The following ARFGEF2 variants were observed in gnomAD, a reference collection of about 807,000 sequenced individuals.
ARFGEF2 encodes the protein ARF guanine nucleotide exchange factor 2.
In ARFGEF2, 74 loss-of-function variants were observed where a neutral mutation model predicts 219.9. The observed-to-expected ratio is 0.34, with a 90% CI of 0.28 to 0.41. The LOEUF is 0.41. Among genes scored for constraint, ARFGEF2 ranks in the 10% least tolerant of loss-of-function variants. The probability of loss-of-function intolerance (pLI) is 1.00; values close to 1 mark genes in which losing one functional copy is unlikely to be tolerated. For missense variants in ARFGEF2, 1,743 were observed against 2,218.3 expected (o/e 0.79, Z 4.30); for synonymous variants, 733 against 799.2 (o/e 0.92, Z 1.40).
At chr20:48,974,705 T>C (rs2091250230) in intron 12 of ARFGEF2, 61 bp from the exon 13 acceptor site, 1 of 1,376,736 alleles carries the variant, frequency 7.3e-7, no homozygotes, top group Non-Finnish European at 1.0e-6. Context: ...GAAAGCCTCG[T>C]AGATGTCTGT....
rs1445858319 is a variant in ARFGEF2, at chr20:49,012,098, C to T, written c.3918+14C>T. 1 of 1,614,180 alleles carries T rather than the reference C, an allele frequency of 6.2e-7. No individual in the cohort carries two copies. Among genetic ancestry groups the T allele is most frequent in the Admixed American group, 1.7e-5 (1 of 60,026 alleles). The stretch of plus-strand genomic sequence containing the variant: ...GAGAGGCCTCGGGTTCGTTTTTCCC[C>T]ACCTTACTCAGATGGGCAGTGAAGG... On this transcript the variant is annotated intron_variant, in intron 28 of 38. Coordinates refer to ENST00000371917, the MANE Select transcript of ARFGEF2 (RefSeq NM_006420.3).
At chr20:48,977,515 T>C (rs2091269560) in intron 14 of ARFGEF2, among the ~76,000 whole-genome samples, 1 of 152,226 alleles carries the variant, frequency 6.6e-6, no homozygotes, top group South Asian at 2.1e-4. Flanking sequence ...CTGAGTCAAA[T>C]GCTATTTCTA....
At chr20:49,024,686 G>A (rs1462805256) in intron 35 of ARFGEF2, among the ~76,000 whole-genome samples, 2 of 152,038 alleles carry the variant, frequency 1.3e-5, no homozygotes, top group African/African-American at 2.4e-5. Flanking sequence ...AGTTTCCTAG[G>A]GTTTCATACA....
intron 1 of ARFGEF2, among the ~76,000 whole-genome samples, chr20:48,929,347 T>C (rs1052580338): frequency 3.3e-5 from 5 of 152,102 alleles, no homozygotes; most frequent in Non-Finnish European, 5.9e-5. Flanking sequence ...TCCTAGGGAG[T>C]GGTCAGTGTA....
intron 28 of ARFGEF2, 105 bp downstream of exon 28, chr20:49,012,189 G>A: frequency 6.8e-7 from 1 of 1,474,096 alleles, no homozygotes; most frequent in Admixed American, 1.8e-5. Context: ...TTTTAGAAAT[G>A]TGTGTTTGCC....
At chr20:48,987,881 G>A (rs1012795200) in intron 16 of ARFGEF2, among the ~76,000 whole-genome samples, 20 of 152,206 alleles carry the variant, frequency 1.3e-4, no homozygotes, top group Middle Eastern at 3.4e-3. Flanking sequence ...TCCACCTCCC[G>A]GGTTCAGGCA....
chr20:49,009,525 G>A (rs917168197), intron 26 of ARFGEF2, among the ~76,000 whole-genome samples: 2 of 151,888 alleles, frequency 1.3e-5, no homozygotes, highest in African/African-American at 4.8e-5. Context: ...TAGTACTATC[G>A]AAGCAGTAGG....
chr20:48,943,736 C>T (rs1030588021), intron 3 of ARFGEF2, among the ~76,000 whole-genome samples: 4 of 152,124 alleles, frequency 2.6e-5, no homozygotes, highest in African/African-American at 9.7e-5. Context: ...ACACCTGGCT[C>T]AAAGAACATT....
intron 3 of ARFGEF2, among the ~76,000 whole-genome samples, chr20:48,947,087 A>G (rs1037068503): frequency 6.6e-6 from 1 of 152,124 alleles, no homozygotes. Flanking sequence ...CAATATATTC[A>G]TATTTCTTTA....
In ARFGEF2 at chr20:48,991,209, C is replaced by G. The variant is rs767293950; in HGVS notation, c.2973+11C>G. On this transcript the variant is annotated intron_variant, in intron 21 of 38. Coordinates refer to ENST00000371917, the MANE Select transcript of ARFGEF2 (RefSeq NM_006420.3). ...AATTCCTGGCATGAGGTACGTGTCT[C>G]TTTGAATTGCCTTTTCTCAGTTAGG... 1.2e-6 allele frequency: 2 copies of G among 1,614,168 alleles called. No homozygotes were observed. Among genetic ancestry groups the G allele is most frequent in the Admixed American group, 3.3e-5 (2 of 60,024 alleles).
At chr20:48,931,876 G>A (rs1384442532) in intron 1 of ARFGEF2, among the ~76,000 whole-genome samples, 1 of 152,192 alleles carries the variant, frequency 6.6e-6, no homozygotes, top group Non-Finnish European at 1.5e-5. Flanking sequence ...GAAAGCTACT[G>A]GAGCATTTTG....
chr20:48,991,149 T>G lies in ARFGEF2; in HGVS notation c.2924T>G (p.Ile975Ser), dbSNP rs1188522339. The G allele has an allele frequency of 6.2e-7, 1 of 1,614,156 alleles. No homozygotes were observed. Among genetic ancestry groups the G allele is most frequent in the Non-Finnish European group, 8.5e-7 (1 of 1,180,028 alleles). Residue 975 changes from isoleucine to serine, a missense_variant, in exon 21 of 39, where the codon ATC becomes AGC. Physicochemically the swap from Ile to Ser is moderately radical, Grantham distance 142 (BLOSUM62 -2). Transcript: ENST00000371917. ...AACATCGACACCATTAAGACGCTTATCACAGTGGCTCACACCGATGGCAAC... is the reference window on the plus strand; with the variant it reads ...AACATCGACACCATTAAGACGCTTAGCACAGTGGCTCACACCGATGGCAAC... The part of the protein sequence containing the change: ...QKNIDTIKTL[I>S]TVAHTDGNYL...
At chr20:48,973,394 C>CA in intron 12 of ARFGEF2, 110 bp downstream of exon 12, 1 of 1,158,932 alleles carries the variant, frequency 8.6e-7, no homozygotes. Flanking sequence ...GTGAACAAAA[C>CA]AGGAATGCAT....
intron 4 of ARFGEF2, among the ~76,000 whole-genome samples, 171 bp downstream of exon 4, chr20:48,951,640 A>T (rs1209011687): frequency 6.6e-6 from 1 of 152,212 alleles, no homozygotes; most frequent in Non-Finnish European, 1.5e-5. Context: ...ATTAGCGTGG[A>T]CTGAGACAAG....
At chr20:48,959,559 CTCCCTCCCTCCCTCCT>C (rs2091131589) in intron 6 of ARFGEF2, among the ~76,000 whole-genome samples, 1 of 61,062 alleles carries the variant, frequency 1.6e-5, no homozygotes. Context: ...CCTTCCTTCC[CTCCCTCCCTCCCTCCT>C]TCCTTCCCTC....
chr20:48,947,597 A>T (rs1465926402), intron 3 of ARFGEF2, among the ~76,000 whole-genome samples: 2 of 152,074 alleles, frequency 1.3e-5, no homozygotes, highest in Non-Finnish European at 2.9e-5. Context: ...GCAGTAGCTC[A>T]CGCCTGTAAT....
At chr20:48,932,059 T>G (rs1488808088) in intron 1 of ARFGEF2, among the ~76,000 whole-genome samples, 3 of 152,128 alleles carry the variant, frequency 2.0e-5, no homozygotes, top group African/African-American at 7.2e-5. Flanking sequence ...GTGATAGTGG[T>G]GGCCTAGTGT....
intron 26 of ARFGEF2, among the ~76,000 whole-genome samples, chr20:49,008,389 C>T (rs895946914): frequency 6.6e-6 from 1 of 151,726 alleles, no homozygotes; most frequent in South Asian, 2.1e-4. Flanking sequence ...ATGCTGAAAC[C>T]CCGTCTCTAC....
intron 3 of ARFGEF2, among the ~76,000 whole-genome samples, chr20:48,944,516 G>A (rs900663542): frequency 6.6e-6 from 1 of 152,118 alleles, no homozygotes. Context: ...GTGCAGTGGC[G>A]CGATCGTGGC....
Sources: gnomAD v4.1 joint callset for allele counts (sites outside exome capture counted in the v4.1 genomes callset) on GRCh38, gnomAD v4.1.1 for gene constraint, MANE v1.5 for transcripts, NCBI Gene and HGNC (gene_info 2026-07-23, HGNC 2026-07-21) for gene names.